GSE1: variants seen among roughly 807,000 people sequenced by gnomAD.
The protein encoded by GSE1 is genetic suppressor element 1.
GSE1 carries 32 observed loss-of-function variants against 112.6 expected under a neutral mutation model. The observed-to-expected ratio is 0.28, with a 90% CI of 0.21 to 0.38. The LOEUF (loss-of-function observed/expected upper bound fraction) is 0.38. Ranked by LOEUF, GSE1 falls within the 10% of genes least tolerant of loss-of-function variation. The pLI, the probability that GSE1 is intolerant of heterozygous loss-of-function variation, is 1.00. For synonymous variants in GSE1, 1,115 were observed against 735.6 expected, an observed-to-expected ratio of 1.52 and a Z score of -8.35; for missense variants, 2,348 against 1,699.2, an observed-to-expected ratio of 1.38 and a Z score of -6.71.
At chr16:85,487,552 A>G (rs2050880721) in intron 2 of GSE1, among the ~76,000 whole-genome samples, 1 of 152,204 alleles carries the variant, frequency 6.6e-6, no homozygotes, top group African/African-American at 2.4e-5. Flanking sequence ...TAGATGGGAA[A>G]CAGGCACGGA....
chr16:85,196,362 G>C (rs1034530541), intron 1 of GSE1, among the ~76,000 whole-genome samples: 2 of 152,138 alleles, frequency 1.3e-5, no homozygotes, highest in Non-Finnish European at 2.9e-5. Context: ...ACTTGGAGGG[G>C]ACCTGCATCT....
At chr16:85,635,313 C>A (rs2049899031) in intron 2 of GSE1, among the ~76,000 whole-genome samples, 1 of 152,204 alleles carries the variant, frequency 6.6e-6, no homozygotes, top group East Asian at 1.9e-4. Flanking sequence ...AGCCCCTCGC[C>A]TCCTGGCTCT....
intron 2 of GSE1, among the ~76,000 whole-genome samples, chr16:85,634,843 G>A (rs1010891769): frequency 6.6e-6 from 1 of 152,202 alleles, no homozygotes; most frequent in Non-Finnish European, 1.5e-5. Context: ...CCATTGGCAG[G>A]GGCTGCTGCT....
intron 1 of GSE1, among the ~76,000 whole-genome samples, chr16:85,214,797 C>G (rs1490463676): frequency 6.6e-6 from 1 of 151,238 alleles, no homozygotes; most frequent in Non-Finnish European, 1.5e-5. Context: ...AAACATAGGT[C>G]TGCAGTGAGT....
At chr16:85,327,363 G>T (rs2046247029) in intron 1 of GSE1, among the ~76,000 whole-genome samples, 1 of 152,218 alleles carries the variant, frequency 6.6e-6, no homozygotes, top group African/African-American at 2.4e-5. Flanking sequence ...AGCACTTTGG[G>T]AGGCTGAGGT....
At chr16:85,181,246 T>G (rs1279220119) in intron 1 of GSE1, among the ~76,000 whole-genome samples, 1 of 152,228 alleles carries the variant, frequency 6.6e-6, no homozygotes, top group Admixed American at 6.5e-5. Flanking sequence ...CCATTTCTCC[T>G]TGGACCACAG....
At position 85,336,580 on chromosome 16, in the gene GSE1, C is replaced by A. The variant is rs148894925; in HGVS notation, c.2284-20883C>A. 1.8e-3 allele frequency among the ~76,000 whole-genome samples: 273 copies of A among 151,770 alleles called. 1 individual carries two copies. The highest frequency in any genetic ancestry group is 5.9e-3 in the African/African-American group (243 of 41,374). ...ACGTGTGAGCATGTTCATGTGTGCA[C>A]AGGACACACACATGCCCTCACAATT... On this transcript the variant is annotated intron_variant, in intron 1 of 2. Coordinates refer to the GSE1 transcript ENST00000637419.
intron 2 of GSE1, among the ~76,000 whole-genome samples, chr16:85,540,306 C>T (rs1390839350): frequency 6.6e-6 from 1 of 152,192 alleles, no homozygotes; most frequent in African/African-American, 2.4e-5. Context: ...CAATGGGCAG[C>T]ACTAGAGATT....
intron 1 of GSE1, among the ~76,000 whole-genome samples, chr16:85,624,001 C>T (rs2048905896): frequency 6.6e-6 from 1 of 152,194 alleles, no homozygotes; most frequent in Non-Finnish European, 1.5e-5. Context: ...ATCCTCTCTC[C>T]CTCCCACTTA....
intron 2 of GSE1, among the ~76,000 whole-genome samples, chr16:85,486,745 T>C (rs1010751342): frequency 6.6e-5 from 10 of 152,114 alleles, no homozygotes; most frequent in Non-Finnish European, 1.3e-4. Flanking sequence ...GCATCTGTCC[T>C]GTTGCACAGG....
At chr16:85,567,886 C>G (rs1189663291) in intron 1 of GSE1, among the ~76,000 whole-genome samples, 1 of 152,030 alleles carries the variant, frequency 6.6e-6, no homozygotes, top group Non-Finnish European at 1.5e-5. Flanking sequence ...CCACACCTGG[C>G]TAATTTTTAA....
chr16:85,657,037 C>G (rs1038492044), intron 7 of GSE1, among the ~76,000 whole-genome samples: 1 of 152,346 alleles, frequency 6.6e-6, no homozygotes, highest in East Asian at 1.9e-4. Context: ...TGAGCTGGCT[C>G]TGGCACCGCA....
At chr16:85,358,438 C>T (rs930386548) in intron 2 of GSE1, among the ~76,000 whole-genome samples, 7 of 152,196 alleles carry the variant, frequency 4.6e-5, no homozygotes, top group South Asian at 2.1e-4. Flanking sequence ...CTGCCCCCAT[C>T]GCTGCCCCCA....
chr16:85,562,531 ACC>A (rs2045568713), intron 1 of GSE1, among the ~76,000 whole-genome samples: 1 of 152,174 alleles, frequency 6.6e-6, no homozygotes, highest in Non-Finnish European at 1.5e-5. Context: ...TCATTATGTT[ACC>A]TGGATTCCGG....
At chr16:85,267,020 GCTCCTTC>G (rs1908317176) in intron 1 of GSE1, among the ~76,000 whole-genome samples, 1 of 152,242 alleles carries the variant, frequency 6.6e-6, no homozygotes, top group Non-Finnish European at 1.5e-5. Flanking sequence ...GAGACGGCTG[GCTCCTTC>G]CTGCCCGGGA....
chr16:85,644,117 C>G (rs2050663964), intron 2 of GSE1, among the ~76,000 whole-genome samples: 1 of 152,026 alleles, frequency 6.6e-6, no homozygotes, highest in African/African-American at 2.4e-5. Flanking sequence ...CGCTTGAGCC[C>G]AGGAGTTTGA....
At chr16:85,634,368 C>T (rs988704101) in intron 2 of GSE1, among the ~76,000 whole-genome samples, 10 of 152,240 alleles carry the variant, frequency 6.6e-5, no homozygotes, top group South Asian at 2.1e-4. Context: ...CCTCGGCCCC[C>T]GGAGCCACTG....
intron 1 of GSE1, among the ~76,000 whole-genome samples, chr16:85,222,543 G>T (rs1044267613): frequency 1.3e-5 from 2 of 152,198 alleles, no homozygotes; most frequent in Admixed American, 1.3e-4. Context: ...CCAGGAGGCT[G>T]ATAGCTATTT....
chr16:85,486,504 T>C (rs1278359703), intron 2 of GSE1, among the ~76,000 whole-genome samples: 2 of 152,212 alleles, frequency 1.3e-5, no homozygotes, highest in Admixed American at 1.3e-4. Flanking sequence ...GTGGCTCCGT[T>C]CGGGGGTGGC....
Sources: gnomAD v4.1 joint callset for allele counts (sites outside exome capture counted in the v4.1 genomes callset) on GRCh38, gnomAD v4.1.1 for gene constraint, MANE v1.5 for transcripts, NCBI Gene and HGNC (gene_info 2026-07-23, HGNC 2026-07-21) for gene names.